Variants in LRRC4C observed in about 807,000 individuals in gnomAD.
The protein encoded by LRRC4C is leucine rich repeat containing 4C.
A neutral mutation model predicts 33.6 loss-of-function variants in LRRC4C; 5 were observed. The ratio of observed to expected loss-of-function variants is 0.15; its 90% CI spans 0.08 to 0.31. The LOEUF is 0.31. LRRC4C is among the 10% of genes least tolerant of loss of function. The pLI is 1.00. For missense variants in LRRC4C, 560 were observed against 796.7 expected (o/e 0.70, Z 3.58); for synonymous variants, 329 against 302.0 (o/e 1.09, Z -0.93).
At chr11:41,181,391 G>A (rs777106591) in intron 1 of LRRC4C, among the ~76,000 whole-genome samples, 6 of 152,158 alleles carry the variant, frequency 3.9e-5, no homozygotes, top group Non-Finnish European at 8.8e-5. Flanking sequence ...GGCATCCAAC[G>A]CCATATTCTC....
At position 40,776,037 on chromosome 11, in the gene LRRC4C, G is replaced by A. The variant is rs189478021; in HGVS notation, c.-406-127759C>T. On this transcript the variant is annotated intron_variant, in intron 2 of 6. Transcript: ENST00000528697. ...CTGTATCTATTGAGATGATTATATGGTTTTTGCTCTTAATTCTGTATATGT... is the reference window on the plus strand; with the variant it reads ...CTGTATCTATTGAGATGATTATATGATTTTTGCTCTTAATTCTGTATATGT... 4.0e-4 allele frequency among the ~76,000 whole-genome samples: 59 copies of A among 146,686 alleles called. 1 individual carries two copies. The highest frequency in any genetic ancestry group is 1.6e-3 in the African/African-American group (59 of 36,274).
chr11:41,168,671 A>G (rs1404349383), intron 1 of LRRC4C, among the ~76,000 whole-genome samples: 1 of 152,204 alleles, frequency 6.6e-6, no homozygotes, highest in Non-Finnish European at 1.5e-5. Flanking sequence ...GCTCAATTAT[A>G]CATCTAAGCT....
chr11:41,133,465 T>A (rs1484021783), intron 1 of LRRC4C, among the ~76,000 whole-genome samples: 1 of 149,746 alleles, frequency 6.7e-6, no homozygotes, highest in South Asian at 2.1e-4. Flanking sequence ...AAACTACATA[T>A]AAAATCCTAA....
intron 1 of LRRC4C, among the ~76,000 whole-genome samples, chr11:41,101,504 G>A (rs557745565): frequency 2.6e-5 from 4 of 152,196 alleles, no homozygotes; most frequent in African/African-American, 7.2e-5. Context: ...ATAACAGATG[G>A]TGGTGAGGTT....
At chr11:41,026,809 T>C (rs533865598) in intron 1 of LRRC4C, among the ~76,000 whole-genome samples, 24 of 150,708 alleles carry the variant, frequency 1.6e-4, no homozygotes, top group Middle Eastern at 3.4e-3. Context: ...AAAAAAAAAG[T>C]ATTTTTAAAT....
chr11:41,014,113 G>T (rs938669149), intron 1 of LRRC4C, among the ~76,000 whole-genome samples: 1 of 152,106 alleles, frequency 6.6e-6, no homozygotes, highest in Non-Finnish European at 1.5e-5. Flanking sequence ...CATGGTGGAA[G>T]GGGCAAGGAA....
chr11:40,285,412 C>G (rs939340214), intron 4 of LRRC4C, among the ~76,000 whole-genome samples: 1 of 152,198 alleles, frequency 6.6e-6, no homozygotes, highest in Non-Finnish European at 1.5e-5. Context: ...ACAAGAAGGA[C>G]TAACATCAGG....
At chr11:41,040,043 C>A (rs1182597738) in intron 1 of LRRC4C, among the ~76,000 whole-genome samples, 1 of 149,092 alleles carries the variant, frequency 6.7e-6, no homozygotes, top group Non-Finnish European at 1.5e-5. Flanking sequence ...GAGGCTGAGG[C>A]AGGAGGATGG....
chr11:41,127,727 G>A (rs1466573903), intron 1 of LRRC4C, among the ~76,000 whole-genome samples: 2 of 43,608 alleles, frequency 4.6e-5, no homozygotes, highest in Admixed American at 7.9e-4. Context: ...AGTCTTCAGT[G>A]CTCTATTCAA....
At chr11:41,342,766 G>A (rs919185869) in intron 1 of LRRC4C, among the ~76,000 whole-genome samples, 1 of 152,088 alleles carries the variant, frequency 6.6e-6, no homozygotes, top group Non-Finnish European at 1.5e-5. Flanking sequence ...AGTGTATTTT[G>A]TCATAAACAA....
chr11:40,117,624 G>C (rs934794009), intron 6 of LRRC4C, among the ~76,000 whole-genome samples: 11 of 151,758 alleles, frequency 7.2e-5, no homozygotes, highest in African/African-American at 2.7e-4. Context: ...TTGTGGACTG[G>C]GCACCTGTGT....
At chr11:40,626,536 C>A (rs965169720) in intron 3 of LRRC4C, among the ~76,000 whole-genome samples, 1 of 152,068 alleles carries the variant, frequency 6.6e-6, no homozygotes, top group African/African-American at 2.4e-5. Context: ...GAACAAATGT[C>A]TCCTCTTTTA....
At chr11:40,260,546 A>C (rs1440470093) in intron 4 of LRRC4C, among the ~76,000 whole-genome samples, 4 of 149,630 alleles carry the variant, frequency 2.7e-5, no homozygotes, top group Non-Finnish European at 4.4e-5. Context: ...CTAAAACTTA[A>C]AGTAAAAAAA....
intron 1 of LRRC4C, among the ~76,000 whole-genome samples, chr11:41,014,281 G>A (rs1450287713): frequency 2.0e-5 from 3 of 151,914 alleles, no homozygotes; most frequent in African/African-American, 7.3e-5. Flanking sequence ...ATGAATACTG[G>A]GATTATATAA....
intron 3 of LRRC4C, among the ~76,000 whole-genome samples, chr11:40,633,846 T>G (rs920013881): frequency 6.6e-6 from 1 of 152,238 alleles, no homozygotes; most frequent in African/African-American, 2.4e-5. Flanking sequence ...TGATTTGTAT[T>G]TTATGTGAGT....
intron 3 of LRRC4C, among the ~76,000 whole-genome samples, chr11:40,363,517 C>T (rs899215939): frequency 1.3e-5 from 2 of 151,880 alleles, no homozygotes; most frequent in South Asian, 2.1e-4. Flanking sequence ...CAATGACTCA[C>T]GTTTATCTAT....
At chr11:40,868,382 C>T (rs1954473421) in intron 2 of LRRC4C, among the ~76,000 whole-genome samples, 1 of 152,156 alleles carries the variant, frequency 6.6e-6, no homozygotes, top group Non-Finnish European at 1.5e-5. Context: ...CAGGACTTCA[C>T]TTTCAGAGGA....
At chr11:40,465,478 C>T (rs1015922651) in intron 3 of LRRC4C, among the ~76,000 whole-genome samples, 1 of 151,840 alleles carries the variant, frequency 6.6e-6, no homozygotes, top group Non-Finnish European at 1.5e-5. Context: ...AAACCTTCTG[C>T]AGTGTAAAAG....
Position 41,308,191 on chromosome 11 carries a change from T to A in LRRC4C, c.-496+151240A>T, listed in dbSNP as rs79947861. Reference sequence around the variant, plus strand: ...AGGTAGCTTGCGGACTTCACACAAGTAACCTTCCAATGACAGATGTTACTT... The same window carrying A: ...AGGTAGCTTGCGGACTTCACACAAGAAACCTTCCAATGACAGATGTTACTT... On this transcript the variant is annotated intron_variant, in intron 1 of 6. Transcript: ENST00000528697. Among the ~76,000 whole-genome samples the A allele has an allele frequency of 5.6e-3, 854 of 152,304 alleles. 10 individuals carry two copies. The highest frequency in any genetic ancestry group is 0.019 in the African/African-American group (796 of 41,556).
Sources: gnomAD v4.1 joint callset for allele counts (sites outside exome capture counted in the v4.1 genomes callset) on GRCh38, gnomAD v4.1.1 for gene constraint, MANE v1.5 for transcripts, NCBI Gene and HGNC (gene_info 2026-07-23, HGNC 2026-07-21) for gene names.